The following ADSS2 variants were observed in gnomAD, a reference collection of about 807,000 sequenced individuals.
ADSS2 encodes adenylosuccinate synthetase isozyme 2.
ADSS2 carries 30 observed loss-of-function variants against 60.0 expected under a neutral mutation model. That is an observed-to-expected ratio of 0.50 (90% CI 0.37 to 0.68). ADSS2 has a LOEUF of 0.68. Ranked by LOEUF, ADSS2 falls within the 30% of genes least tolerant of loss-of-function variation. The pLI is 0.00. For synonymous variants in ADSS2, 187 were observed against 193.1 expected (o/e 0.97, Z 0.26); for missense variants, 373 against 554.8 (o/e 0.67, Z 3.29).
At chr1:244,419,142 G>C in intron 8 of ADSS2, 2 of 402,364 alleles carry the variant, frequency 5.0e-6, no homozygotes, top group East Asian at 8.3e-5. Flanking sequence ...GAGGCTCCTT[G>C]AATGCATGTA....
intron 1 of ADSS2, among the ~76,000 whole-genome samples, chr1:244,449,047 T>C (rs1665468443): frequency 6.6e-6 from 1 of 152,234 alleles, no homozygotes; most frequent in African/African-American, 2.4e-5. Context: ...TGGTTGTCCT[T>C]TGATGCAAGT....
At chr1:244,436,290 A>T (rs1335596026) in intron 3 of ADSS2, among the ~76,000 whole-genome samples, 1 of 152,252 alleles carries the variant, frequency 6.6e-6, no homozygotes, top group Non-Finnish European at 1.5e-5. Context: ...TAATGTAAAC[A>T]CATCTCTAAA....
Position 244,451,806 on chromosome 1 carries a change from G to T in ADSS2, c.12C>A (p.Ala4=). The T allele has an allele frequency of 6.3e-7, 1 of 1,589,918 alleles. No homozygotes were observed. The highest frequency in any genetic ancestry group is 8.5e-7 in the Non-Finnish European group (1 of 1,170,096). MAF[A]ETYPAASSLP... ...GGGAGGATGCCGCCGGGTAGGTCTC[G>T]GCGAACGCCATGGCTCCAGTGACGC... The change falls in exon 1 of 13, where the codon GCC becomes GCA. Residue 4 remains alanine, a synonymous_variant. Transcript: ENST00000366535. This position sits in a 1 kb window ranked among gnomAD's most constrained non-coding sequence, Gnocchi z 6.6.
intron 4 of ADSS2, among the ~76,000 whole-genome samples, chr1:244,429,889 TAATAAAATAA>T (rs947804235): frequency 1.3e-5 from 2 of 151,846 alleles, no homozygotes; most frequent in Non-Finnish European, 2.9e-5. Flanking sequence ...CTCAAAAAAA[TAATAAAATAA>T]AATAAAATAA....
At chr1:244,449,423 T>G (rs190211509) in intron 1 of ADSS2, among the ~76,000 whole-genome samples, 2 of 152,304 alleles carry the variant, frequency 1.3e-5, no homozygotes, top group African/African-American at 4.8e-5. Context: ...ACACAAAACT[T>G]AAGACATCAA....
At chr1:244,448,145 T>C (rs1035834403) in intron 1 of ADSS2, among the ~76,000 whole-genome samples, 3 of 152,194 alleles carry the variant, frequency 2.0e-5, no homozygotes, top group Non-Finnish European at 4.4e-5. Flanking sequence ...TTACCTACTA[T>C]CCTTAAAATT....
At position 244,424,005 on chromosome 1, in the gene ADSS2, T is replaced by G; in HGVS notation, c.529A>C (p.Ser177Arg). Reference protein sequence around the residue: ...GPVYSSKAARSGLRMCDLVSD... With the variant: ...GPVYSSKAARRGLRMCDLVSD... Reference sequence around the variant, plus strand: ...ACAAGGTCGCACATCCTGAGTCCACTCCGAGCAGCTTTGGACGAATAAACT... The same window carrying G: ...ACAAGGTCGCACATCCTGAGTCCACGCCGAGCAGCTTTGGACGAATAAACT... Residue 177 changes from serine to arginine, a missense_variant, in exon 6 of 13, where the codon AGT (serine) becomes CGT (arginine). Physicochemically the swap from Ser to Arg is moderately radical, Grantham distance 110. Around this residue, in one of 5 missense-constraint regions of ADSS2, gnomAD observed 139 missense variants for 189.4 expected, o/e 0.73. Transcript: ENST00000366535. 6.2e-7 allele frequency: 1 copy of G among 1,613,674 alleles called. No individual in the cohort carries two copies. Among genetic ancestry groups the G allele is most frequent in the Non-Finnish European group, 8.5e-7 (1 of 1,179,794 alleles).
intron 10 of ADSS2, among the ~76,000 whole-genome samples, chr1:244,416,540 G>A (rs1052197950): frequency 1.3e-5 from 2 of 152,052 alleles, no homozygotes; most frequent in Non-Finnish European, 2.9e-5. Context: ...GGCTGGTCTC[G>A]AACTCCCAGC....
chr1:244,444,856 G>A (rs557416828), intron 1 of ADSS2, among the ~76,000 whole-genome samples: 1 of 152,118 alleles, frequency 6.6e-6, no homozygotes, highest in Non-Finnish European at 1.5e-5. Context: ...GAACAATCCA[G>A]AACAAATGCT....
chr1:244,422,511 T>TG (rs1312850125), intron 7 of ADSS2, among the ~76,000 whole-genome samples: 1 of 152,202 alleles, frequency 6.6e-6, no homozygotes, highest in African/African-American at 2.4e-5. Context: ...AGAAGTGATT[T>TG]TTATATGATG....
intron 4 of ADSS2, among the ~76,000 whole-genome samples, chr1:244,428,460 A>C (rs1031859973): frequency 2.0e-5 from 3 of 151,546 alleles, no homozygotes; most frequent in Non-Finnish European, 4.4e-5. Context: ...AACACATGTA[A>C]TTTTAAATGC....
intron 4 of ADSS2, among the ~76,000 whole-genome samples, chr1:244,430,864 G>A (rs1232089940): frequency 6.6e-6 from 1 of 152,192 alleles, no homozygotes; most frequent in African/African-American, 2.4e-5. Flanking sequence ...GCTCACGCCT[G>A]TAATCCCAGC....
intron 3 of ADSS2, among the ~76,000 whole-genome samples, chr1:244,433,439 C>T (rs898940882): frequency 6.6e-6 from 1 of 152,168 alleles, no homozygotes; most frequent in Admixed American, 6.5e-5. Context: ...AAATAAAATA[C>T]TTCTAGGAAT....
Position 244,425,610 on chromosome 1 carries a change from C to A in ADSS2, c.407-1223G>T, listed in dbSNP as rs1664786214. On this transcript the variant is annotated intron_variant, in intron 4 of 12. Transcript: ENST00000366535. ...CCTAAAACCATGTATGTACTCTTCT[C>A]TAATTCCCTCCTTTTGAGACACTAC... 2.6e-5 allele frequency among the ~76,000 whole-genome samples: 4 copies of A among 152,296 alleles called. No individual in the cohort carries two copies. In the South Asian group the frequency reaches 8.3e-4, roughly 32 times the overall value.
At position 244,434,119 on chromosome 1, in the gene ADSS2, G is replaced by A. The variant is rs1314220731; in HGVS notation, c.356-1524C>T. 6.0e-5 allele frequency among the ~76,000 whole-genome samples: 9 copies of A among 150,294 alleles called. No homozygotes were observed. In the East Asian group the frequency reaches 1.8e-3, roughly 30 times the overall value. ...GCACTTTGGGTGACCAAGGCAGGAG[G>A]ATTGCTTGAGGCCTGGAGTTTGAGA... On this transcript the variant is annotated intron_variant, in intron 3 of 12. Coordinates refer to ENST00000366535, the MANE Select transcript of ADSS2 (RefSeq NM_001126.5).
chr1:244,451,792 G>T lies in ADSS2; in HGVS notation c.26C>A (p.Ala9Glu), dbSNP rs769147508. MAFAETYP[A>E]ASSLPNGDCG... ...ATCGCCGTTGGGCAGGGAGGATGCC[G>T]CCGGGTAGGTCTCGGCGAACGCCAT... is the stretch of plus-strand genomic sequence containing the variant. The change falls in exon 1 of 13, where the codon GCG becomes GAG. Residue 9 changes from alanine to glutamate, a missense_variant. Around this residue, in one of 5 missense-constraint regions of ADSS2, gnomAD observed 47 missense variants for 48.3 expected, o/e 0.97. Coordinates refer to ENST00000366535, the MANE Select transcript of ADSS2 (RefSeq NM_001126.5). This position sits in a 1 kb window ranked among gnomAD's most constrained non-coding sequence, Gnocchi z 6.6. The T allele has an allele frequency of 6.3e-7, 1 of 1,595,294 alleles. No homozygotes were observed. Among genetic ancestry groups the T allele is most frequent in the Non-Finnish European group, 8.5e-7 (1 of 1,172,158 alleles).
At chr1:244,426,542 CA>C (rs899332975) in intron 4 of ADSS2, among the ~76,000 whole-genome samples, 1 of 151,598 alleles carries the variant, frequency 6.6e-6, no homozygotes, top group East Asian at 1.9e-4. Context: ...ATACTGCAAA[CA>C]AAAAAAACCA....
intron 1 of ADSS2, among the ~76,000 whole-genome samples, chr1:244,449,227 A>G (rs1248416490): frequency 6.6e-6 from 1 of 152,242 alleles, no homozygotes; most frequent in Non-Finnish European, 1.5e-5. Flanking sequence ...CATTAAATGC[A>G]ATGCCAGTTT....
chr1:244,432,886 T>G (rs926588487), intron 3 of ADSS2, among the ~76,000 whole-genome samples: 1 of 151,766 alleles, frequency 6.6e-6, no homozygotes, highest in African/African-American at 2.4e-5. Context: ...GCCAGGATGG[T>G]CTCGATCTCC....
Sources: allele counts gnomAD v4.1 joint callset (sites outside exome capture counted in the v4.1 genomes callset), GRCh38; gene constraint gnomAD v4.1.1; regional missense constraint gnomAD v4.1.1; non-coding constraint Gnocchi (gnomAD v3.1); transcripts MANE v1.5; gene names NCBI Gene and HGNC (gene_info 2026-07-23, HGNC 2026-07-21).